Variants in HIBCH observed in about 807,000 individuals in gnomAD.
The protein encoded by HIBCH is 3-hydroxyisobutyryl-CoA hydrolase, mitochondrial.
A neutral mutation model predicts 58.2 loss-of-function variants in HIBCH; 50 were observed. That is an observed-to-expected ratio of 0.86 (90% CI 0.68 to 1.09). The LOEUF is 1.09. Among genes scored for constraint, HIBCH ranks in the 50% least tolerant of loss-of-function variants. The pLI, the probability that HIBCH is intolerant of heterozygous loss-of-function variation, is 0.00. For missense variants in HIBCH, 450 were observed against 449.7 expected (o/e 1.00, Z -0.01); for synonymous variants, 151 against 146.9 (o/e 1.03, Z -0.20).
chr2:190,297,020 C>A, intron 2 of HIBCH, 67 bp from the exon 3 acceptor site: 1 of 1,424,870 alleles, frequency 7.0e-7, no homozygotes, highest in South Asian at 1.2e-5. Context: ...AACATCAAAA[C>A]ATACATATCA....
At chr2:190,258,265 C>T (rs1206436468) in intron 7 of HIBCH, among the ~76,000 whole-genome samples, 1 of 152,192 alleles carries the variant, frequency 6.6e-6, no homozygotes, top group Non-Finnish European at 1.5e-5. Context: ...GAGACCTCCC[C>T]AATCATGCTT....
At chr2:190,299,180 C>T (rs770271473) in intron 2 of HIBCH, among the ~76,000 whole-genome samples, 16 of 152,156 alleles carry the variant, frequency 1.1e-4, no homozygotes, top group Non-Finnish European at 2.2e-4. Flanking sequence ...CTAAACAGCA[C>T]ACTTATTAGC....
In HIBCH at chr2:190,214,261, GGT is replaced by G; in HGVS notation, c.892-1188_892-1187del. 6.6e-6 allele frequency: 1 copy of G among 152,130 alleles called. No homozygotes were observed. 9.4% of individuals were successfully genotyped at this position (152,130 alleles called of 1,614,324 possible). ...AAAGTTGGATTATCAGTACTGCCTT[GGT>G]ATTGGGGCATTTTCAGAGAACCCGG... On this transcript the variant is annotated intron_variant, in intron 11 of 13. Coordinates refer to ENST00000359678, the MANE Select transcript of HIBCH (RefSeq NM_014362.4). The surrounding 1 kb of genome is among the most constrained non-coding windows in gnomAD (Gnocchi z 5.5).
At position 190,205,065 on chromosome 2, in the gene HIBCH, T is replaced by C. The variant is rs1690356257; in HGVS notation, c.*52A>G. 8.5e-6 allele frequency: 8 copies of C among 945,042 alleles called. No individual in the cohort carries two copies. The East Asian group carries it at 1.7e-4, about 20-fold the overall frequency. 58.5% of individuals were successfully genotyped at this position (945,042 alleles called of 1,614,324 possible). A position where few individuals can be genotyped will look rare whatever the true frequency, so the allele number is the denominator to read the frequency against. ...GGCAGCAGGCTGGATTTGGCCCACATGCTGTAGATTGCCAACCCATGCTAC... is the reference window on the plus strand; with the variant it reads ...GGCAGCAGGCTGGATTTGGCCCACACGCTGTAGATTGCCAACCCATGCTAC... On this transcript the variant is annotated 3_prime_UTR_variant, in exon 14 of 14. Coordinates refer to ENST00000359678, the MANE Select transcript of HIBCH (RefSeq NM_014362.4).
intron 2 of HIBCH, among the ~76,000 whole-genome samples, chr2:190,297,356 T>A (rs2582744): frequency 1.3e-5 from 2 of 152,024 alleles, no homozygotes; most frequent in Non-Finnish European, 2.9e-5. Flanking sequence ...AAAACAAAGA[T>A]GATACTTGAG....
intron 11 of HIBCH, among the ~76,000 whole-genome samples, chr2:190,238,105 T>C (rs1334219641): frequency 6.6e-6 from 1 of 152,234 alleles, no homozygotes; most frequent in Non-Finnish European, 1.5e-5. Context: ...AAGTCTTTGC[T>C]ATTGTAAATA....
At chr2:190,208,965 G>A (rs765116671) in intron 12 of HIBCH, 52 bp from the exon 13 acceptor site, 3 of 1,531,444 alleles carry the variant, frequency 2.0e-6, no homozygotes, top group South Asian at 1.1e-5. Flanking sequence ...TCCTTATTCT[G>A]GGTTATTTTC....
chr2:190,193,039 TCAAA>T (rs1467857998), intron 1 of HIBCH, among the ~76,000 whole-genome samples: 1 of 152,128 alleles, frequency 6.6e-6, no homozygotes, highest in Non-Finnish European at 1.5e-5. Flanking sequence ...CGGTAAAATA[TCAAA>T]CAGAAATCAT....
intron 1 of HIBCH, among the ~76,000 whole-genome samples, chr2:190,194,026 T>C (rs895024646): frequency 6.6e-6 from 1 of 152,220 alleles, no homozygotes. Flanking sequence ...CCTGTGATTT[T>C]CTTCTTTGTC....
At position 190,244,954 on chromosome 2, in the gene HIBCH, T is replaced by C. The variant is rs1348701162; in HGVS notation, c.824A>G (p.Asn275Ser). The C allele has an allele frequency of 1.9e-6, 3 of 1,605,748 alleles. No homozygotes were observed. The highest frequency in any genetic ancestry group is 2.2e-5 in the East Asian group (1 of 44,830). ...GTTTTCAATAATTTCTTCCACAGTA[T>C]TGGCTGAAAAACAACTATAAAAAAA... Reference protein sequence around the residue: ...MDKINSCFSANTVEEIIENLQ... With the variant: ...MDKINSCFSASTVEEIIENLQ... The change falls in exon 11 of 14, where the codon AAT (asparagine) becomes AGT (serine). Residue 275 changes from asparagine (N) to serine (S), a missense_variant. Physicochemically the swap from Asn to Ser is conservative, Grantham distance 46. Coordinates refer to ENST00000359678, the MANE Select transcript of HIBCH (RefSeq NM_014362.4).
chr2:190,314,950 G>A (rs924024059), intron 1 of HIBCH, among the ~76,000 whole-genome samples: 3 of 151,436 alleles, frequency 2.0e-5, no homozygotes, highest in Non-Finnish European at 4.4e-5. Flanking sequence ...GCACCTCTCC[G>A]CTCCTTTTTT....
intron 9 of HIBCH, among the ~76,000 whole-genome samples, chr2:190,247,674 T>G (rs950981243): frequency 3.9e-5 from 6 of 152,174 alleles, no homozygotes; most frequent in Non-Finnish European, 8.8e-5. Context: ...ACCACAGATT[T>G]TAATCTGTTC....
At chr2:190,194,128 T>C (rs1373504258) in intron 1 of HIBCH, among the ~76,000 whole-genome samples, 1 of 152,224 alleles carries the variant, frequency 6.6e-6, no homozygotes, top group Non-Finnish European at 1.5e-5. Flanking sequence ...TTGTACTGTG[T>C]AATGTTTTAA....
chr2:190,221,431 T>C (rs899333285), intron 11 of HIBCH, among the ~76,000 whole-genome samples: 24 of 152,226 alleles, frequency 1.6e-4, no homozygotes, highest in Non-Finnish European at 2.6e-4. Flanking sequence ...TAAACACATT[T>C]CCCTTAGCTT....
chr2:190,315,827 G>C lies in HIBCH; in HGVS notation c.35+3889C>G, dbSNP rs1688697894. 6.6e-6 allele frequency among the ~76,000 whole-genome samples: 1 copy of C among 152,138 alleles called. No homozygotes were observed. The highest frequency in any genetic ancestry group is 2.4e-5 in the African/African-American group (1 of 41,444). ...AAAATGACTTTAAGATTTCAAGCCA[G>C]GACAACCAGGAGAATATAGAAAAGA... On this transcript the variant is annotated intron_variant, in intron 1 of 13. Coordinates refer to ENST00000359678, the MANE Select transcript of HIBCH (RefSeq NM_014362.4). This position sits in a 1 kb window ranked among gnomAD's most constrained non-coding sequence, Gnocchi z 5.4.
chr2:190,228,051 G>A (rs1274364014), intron 11 of HIBCH, among the ~76,000 whole-genome samples: 1 of 152,112 alleles, frequency 6.6e-6, no homozygotes, highest in Non-Finnish European at 1.5e-5. Context: ...CCATTACCGA[G>A]TATGTACCCA....
intron 11 of HIBCH, among the ~76,000 whole-genome samples, chr2:190,239,885 A>C (rs1686400581): frequency 6.6e-6 from 1 of 152,022 alleles, no homozygotes; most frequent in Admixed American, 6.5e-5. Flanking sequence ...CCTGAACTTG[A>C]GTGATCTGCC....
chr2:190,312,786 T>C (rs981027152), intron 1 of HIBCH, among the ~76,000 whole-genome samples: 2 of 152,250 alleles, frequency 1.3e-5, no homozygotes, highest in Non-Finnish European at 2.9e-5. Flanking sequence ...ATTCCAAGAC[T>C]GGTCTGTACA....
intron 1 of HIBCH, among the ~76,000 whole-genome samples, chr2:190,196,574 T>C (rs1689988408): frequency 6.6e-6 from 1 of 151,830 alleles, no homozygotes; most frequent in Non-Finnish European, 1.5e-5. Flanking sequence ...CCTCTTTGTA[T>C]GGCTAGTAAT....
Sources: allele counts gnomAD v4.1 joint callset (sites outside exome capture counted in the v4.1 genomes callset), GRCh38; gene constraint gnomAD v4.1.1; non-coding constraint Gnocchi (gnomAD v3.1); transcripts MANE v1.5; gene names NCBI Gene and HGNC (gene_info 2026-07-23, HGNC 2026-07-21).